ZNF385B: variants seen among roughly 807,000 people sequenced by gnomAD.
The protein encoded by ZNF385B is zinc finger protein 533.
A neutral mutation model predicts 39.2 loss-of-function variants in ZNF385B; 23 were observed. The observed-to-expected ratio is 0.59, with a 90% CI of 0.42 to 0.83. The LOEUF (loss-of-function observed/expected upper bound fraction) is 0.83. Among genes scored for constraint, ZNF385B ranks in the 40% least tolerant of loss-of-function variants. ZNF385B has a pLI of 0.00. For missense variants in ZNF385B, 552 were observed against 598.9 expected (o/e 0.92, Z 0.82); for synonymous variants, 205 against 222.6 (o/e 0.92, Z 0.70).
intron 3 of ZNF385B, among the ~76,000 whole-genome samples, chr2:179,675,829 C>A (rs554610893): frequency 1.3e-5 from 2 of 151,590 alleles, no homozygotes; most frequent in African/African-American, 2.4e-5. Flanking sequence ...CATTCTGTCA[C>A]CAGGCTAGAG....
chr2:179,855,231 T>A (rs1483088578), intron 1 of ZNF385B, among the ~76,000 whole-genome samples: 2 of 152,232 alleles, frequency 1.3e-5, no homozygotes, highest in African/African-American at 2.4e-5. Flanking sequence ...AAGAAAAAGT[T>A]GATTAGCTTT....
At chr2:179,643,860 A>G (rs913000482) in intron 3 of ZNF385B, among the ~76,000 whole-genome samples, 2 of 152,148 alleles carry the variant, frequency 1.3e-5, no homozygotes, top group East Asian at 3.9e-4. Flanking sequence ...AGTTCATTTT[A>G]TTGTTTATTA....
intron 3 of ZNF385B, among the ~76,000 whole-genome samples, chr2:179,621,159 G>A (rs1262936939): frequency 1.3e-5 from 2 of 152,088 alleles, no homozygotes; most frequent in African/African-American, 4.8e-5. Flanking sequence ...TAGAAAAAAA[G>A]GGGAGGGGGA....
chr2:179,480,909 T>C (rs1025662398), intron 6 of ZNF385B: 1 of 152,210 alleles, frequency 6.6e-6, no homozygotes, highest in Non-Finnish European at 1.5e-5. Context: ...AGGTGGTTTC[T>C]ATTACTTCTA....
intron 1 of ZNF385B, among the ~76,000 whole-genome samples, chr2:179,813,217 T>A (rs1706845656): frequency 6.6e-6 from 1 of 152,330 alleles, no homozygotes; most frequent in South Asian, 2.1e-4. Flanking sequence ...TTGAAATTTA[T>A]TTTGGTATGA....
chr2:179,560,133 T>C (rs1003114543), intron 3 of ZNF385B, among the ~76,000 whole-genome samples: 1 of 152,168 alleles, frequency 6.6e-6, no homozygotes, highest in South Asian at 2.1e-4. Context: ...TTATATGGAA[T>C]TTCATTTTGG....
chr2:179,458,134 A>G (rs1200208048), intron 6 of ZNF385B, among the ~76,000 whole-genome samples: 1 of 152,214 alleles, frequency 6.6e-6, no homozygotes, highest in Non-Finnish European at 1.5e-5. Flanking sequence ...AGCATACCAT[A>G]TGATATGGTT....
chr2:179,797,671 T>C (rs747467470), intron 1 of ZNF385B, among the ~76,000 whole-genome samples: 14 of 152,224 alleles, frequency 9.2e-5, no homozygotes, highest in Non-Finnish European at 1.3e-4. Flanking sequence ...TTGCTGATTG[T>C]ATCCCTATGG....
chr2:179,454,465 A>G (rs1439041987), intron 6 of ZNF385B, among the ~76,000 whole-genome samples: 2 of 152,100 alleles, frequency 1.3e-5, no homozygotes, highest in Non-Finnish European at 2.9e-5. Flanking sequence ...TTACTATACT[A>G]TGCTTTTTAT....
rs1258034181 is a variant in ZNF385B, at chr2:179,444,097, C to G, written c.1243-629G>C. 2.6e-5 allele frequency among the ~76,000 whole-genome samples: 4 copies of G among 152,220 alleles called. No individual in the cohort carries two copies. The East Asian group carries it at 7.7e-4, about 29-fold the overall frequency. ...GGATGGAATCCTCCTGTGAAGAAATCAATCCTTAATTTCTCTCTCTTGCAA... is the reference window on the plus strand; with the variant it reads ...GGATGGAATCCTCCTGTGAAGAAATGAATCCTTAATTTCTCTCTCTTGCAA... On this transcript the variant is annotated intron_variant, in intron 9 of 9. Coordinates refer to ENST00000410066, the MANE Select transcript of ZNF385B (RefSeq NM_152520.6).
intron 1 of ZNF385B, among the ~76,000 whole-genome samples, chr2:179,855,987 G>A (rs999427622): frequency 1.3e-5 from 2 of 152,042 alleles, no homozygotes; most frequent in African/African-American, 2.4e-5. Flanking sequence ...CCTAAATACC[G>A]CACTACACTG....
rs1249837236 is a variant in ZNF385B at position 179,518,568 on chromosome 2, A to C, written c.512T>G (p.Val171Gly). The C allele has an allele frequency of 1.2e-6, 2 of 1,610,248 alleles. No homozygotes were observed. The highest frequency in any genetic ancestry group is 1.7e-6 in the Non-Finnish European group (2 of 1,178,792). Residue 171 changes from valine to glycine, a missense_variant, in exon 5 of 10, where the codon GTT (valine) becomes GGT (glycine). Physicochemically the swap from Val to Gly is moderately radical, Grantham distance 109. Transcript: ENST00000410066. ...AAGCTGACAGACATTACAAGAAATA[A>C]CTTGTTTCTTCTTTGGGGGAATGGA... is the stretch of plus-strand genomic sequence containing the variant. ...GVSIPPKKKQ[V>G]ISCNVCQLRF...
intron 3 of ZNF385B, among the ~76,000 whole-genome samples, chr2:179,584,516 T>C (rs1686879748): frequency 6.6e-6 from 1 of 152,172 alleles, no homozygotes; most frequent in African/African-American, 2.4e-5. Context: ...AATATATATT[T>C]CATATGTGTA....
chr2:179,745,904 G>A, intron 3 of ZNF385B: 1 of 1,255,320 alleles, frequency 8.0e-7, no homozygotes, highest in Non-Finnish European at 1.0e-6. Context: ...CCCAGTTGCT[G>A]GCTTATTGCA....
chr2:179,768,241 C>T (rs988575060), intron 3 of ZNF385B, among the ~76,000 whole-genome samples: 8 of 151,804 alleles, frequency 5.3e-5, no homozygotes, highest in African/African-American at 1.7e-4. Flanking sequence ...TGAGCCACTG[C>T]GCCCGGCCAT....
intron 3 of ZNF385B, among the ~76,000 whole-genome samples, chr2:179,570,437 A>G (rs928416790): frequency 6.6e-6 from 1 of 152,160 alleles, no homozygotes; most frequent in African/African-American, 2.4e-5. Context: ...CCCCAGTTCA[A>G]ATTTTGCTTT....
intron 1 of ZNF385B, among the ~76,000 whole-genome samples, chr2:179,856,234 C>T (rs1466561805): frequency 6.6e-6 from 1 of 152,054 alleles, no homozygotes; most frequent in Non-Finnish European, 1.5e-5. Context: ...AGAATAACAA[C>T]TAAAGTTCAA....
intron 3 of ZNF385B, among the ~76,000 whole-genome samples, chr2:179,563,393 A>C (rs1684163924): frequency 6.6e-6 from 1 of 152,206 alleles, no homozygotes; most frequent in Non-Finnish European, 1.5e-5. Context: ...AAGAAACTTG[A>C]AATGACTGAT....
intron 3 of ZNF385B, among the ~76,000 whole-genome samples, chr2:179,548,375 G>T (rs2060364459): frequency 6.7e-6 from 1 of 148,670 alleles, no homozygotes; most frequent in Non-Finnish European, 1.5e-5. Flanking sequence ...GCTGGTGCAG[G>T]TAGCTCTCTG....
Sources: allele counts gnomAD v4.1 joint callset (sites outside exome capture counted in the v4.1 genomes callset), GRCh38; gene constraint gnomAD v4.1.1; transcripts MANE v1.5; gene names NCBI Gene and HGNC (gene_info 2026-07-23, HGNC 2026-07-21).